Variants in KMO observed in about 807,000 individuals in gnomAD.
KMO encodes kynurenine 3-hydroxylase.
KMO carries 24 observed loss-of-function variants against 57.8 expected under a neutral mutation model. That is an observed-to-expected ratio of 0.42 (90% CI 0.30 to 0.58). The LOEUF is 0.58. KMO is among the 20% of genes least tolerant of loss of function. KMO has a pLI of 0.22. For synonymous variants in KMO, 210 were observed against 193.6 expected (o/e 1.08, Z -0.70); for missense variants, 483 against 588.2 (o/e 0.82, Z 1.85).
chr1:241,549,263 A>C (rs1301895552), intron 2 of KMO, among the ~76,000 whole-genome samples: 4 of 143,294 alleles, frequency 2.8e-5, no homozygotes, highest in South Asian at 2.2e-4. Flanking sequence ...GAAAGAAAGA[A>C]AGAAAGGAAG....
At chr1:241,578,714 C>T (rs998653955) in intron 10 of KMO, among the ~76,000 whole-genome samples, 4 of 152,136 alleles carry the variant, frequency 2.6e-5, no homozygotes, top group African/African-American at 7.2e-5. Context: ...CTTAGAACTT[C>T]CTGGTTAGCC....
Position 241,532,401 on chromosome 1 carries a change from C to T in KMO, c.-44C>T, listed in dbSNP as rs1660609310. 6.2e-7 allele frequency: 1 copy of T among 1,608,726 alleles called. No homozygotes were observed. Among genetic ancestry groups the T allele is most frequent in the Non-Finnish European group, 8.5e-7 (1 of 1,176,196 alleles). On this transcript the variant is annotated 5_prime_UTR_variant, in exon 1 of 15. Coordinates refer to ENST00000366559, the MANE Select transcript of KMO (RefSeq NM_003679.5). Reference sequence around the variant, plus strand: ...AGGAGACACAGAAATCAGTGTCACTCAGTGACAGAAGCAACAATAATTGTG... The same window carrying T: ...AGGAGACACAGAAATCAGTGTCACTTAGTGACAGAAGCAACAATAATTGTG...
intron 5 of KMO, 127 bp downstream of exon 5, chr1:241,555,787 A>T: frequency 1.8e-6 from 1 of 557,360 alleles, no homozygotes; most frequent in Non-Finnish European, 3.2e-6. Flanking sequence ...GACTATGTAC[A>T]CTACAAAGTC....
intron 6 of KMO, among the ~76,000 whole-genome samples, 179 bp downstream of exon 6, chr1:241,560,931 A>T (rs1281095371): frequency 7.9e-5 from 12 of 152,192 alleles, no homozygotes; most frequent in African/African-American, 9.7e-5. Context: ...CCATCTGAAC[A>T]CCAATGCCAA....
Position 241,567,021 on chromosome 1 carries a change from C to T in KMO, c.809+409C>T, listed in dbSNP as rs568492631. 3.9e-5 allele frequency among the ~76,000 whole-genome samples: 6 copies of T among 152,318 alleles called. No homozygotes were observed. In the East Asian group the frequency reaches 1.2e-3, roughly 29 times the overall value. On this transcript the variant is annotated intron_variant, in intron 9 of 14. Coordinates refer to ENST00000366559, the MANE Select transcript of KMO (RefSeq NM_003679.5). ...GACACGTAAGCTTTCCCATATTCCA[C>T]TCGTGGGAAAAGGTTGATAAATAAT...
chr1:241,586,596 G>A (rs1468199733), intron 10 of KMO, 83 bp from the exon 11 acceptor site: 2 of 897,580 alleles, frequency 2.2e-6, no homozygotes, highest in African/African-American at 1.7e-5. Context: ...CTTCACCAAT[G>A]GAATATCTAT....
intron 5 of KMO, among the ~76,000 whole-genome samples, chr1:241,557,242 CA>C (rs1336192916): frequency 6.6e-6 from 1 of 152,182 alleles, no homozygotes; most frequent in Non-Finnish European, 1.5e-5. Flanking sequence ...TCCAGTCACA[CA>C]CCATGTATCC....
intron 10 of KMO, among the ~76,000 whole-genome samples, chr1:241,584,602 T>TGTTTAA (rs1662895476): frequency 6.9e-6 from 1 of 145,592 alleles, no homozygotes. Flanking sequence ...AGAAAAGAAA[T>TGTTTAA]AGCGTTTAAA....
Position 241,565,030 on chromosome 1 carries a change from C to T in KMO, c.659C>T (p.Thr220Ile). ...PNYLHIWPRN[T>I]FMMIALPNMN... The stretch of plus-strand genomic sequence containing the variant: ...TATCTGCATATTTGGCCTAGAAATA[C>T]CTTTATGATGATTGCACTTCCTAAC... Residue 220 changes from threonine to isoleucine, a missense_variant, in exon 8 of 15, where the codon ACC becomes ATC. Physicochemically the swap from Thr to Ile is moderately conservative, Grantham distance 89. Around this residue, in one of 3 missense-constraint regions of KMO, gnomAD observed 410 missense variants for 492.3 expected, o/e 0.83. Coordinates refer to ENST00000366559, the MANE Select transcript of KMO (RefSeq NM_003679.5). 1 of 1,605,682 alleles carries T rather than the reference C, an allele frequency of 6.2e-7. No homozygotes were observed.
At chr1:241,549,247 A>G (rs1486468231) in intron 2 of KMO, among the ~76,000 whole-genome samples, 1 of 23,060 alleles carries the variant, frequency 4.3e-5, no homozygotes, top group Admixed American at 3.7e-4. Context: ...GAAAGAAAGA[A>G]AGAAAGAAAG....
At position 241,550,489 on chromosome 1, in the gene KMO, T is replaced by C. The variant is rs146680570; in HGVS notation, c.223-466T>C. On this transcript the variant is annotated intron_variant, in intron 3 of 14. Coordinates refer to ENST00000366559, the MANE Select transcript of KMO (RefSeq NM_003679.5). ...ATGATAGATGTATTTTTCTTGATAC[T>C]ACTTTCAGTGACAATGTGTCTTTGA... 1.5e-4 allele frequency among the ~76,000 whole-genome samples: 23 copies of C among 152,362 alleles called. No individual in the cohort carries two copies. In the East Asian group the frequency reaches 4.0e-3, roughly 27 times the overall value.
intron 10 of KMO, among the ~76,000 whole-genome samples, chr1:241,575,754 G>A (rs1662491051): frequency 6.6e-6 from 1 of 152,024 alleles, no homozygotes; most frequent in African/African-American, 2.4e-5. Context: ...GCAGTTCTTG[G>A]ATAGAATGTT....
Position 241,593,276 on chromosome 1 carries a change from C to G in KMO, c.*1123C>G. On this transcript the variant is annotated 3_prime_UTR_variant, in exon 15 of 15. Transcript: ENST00000366559. ...AGCAATTTACTAATTTATTCTTCGA[C>G]TACATACTGCAGCAGAACCAGCAAT... 1 of 358,874 alleles carries G rather than the reference C, an allele frequency of 2.8e-6. No homozygotes were observed. The highest frequency in any genetic ancestry group is 2.2e-5 in the South Asian group (1 of 45,928). The allele number at this position is 358,874 out of a possible 1,614,324, so 22.2% of individuals were successfully genotyped here.
At chr1:241,550,331 A>C (rs1158758716) in intron 3 of KMO, among the ~76,000 whole-genome samples, 1 of 152,214 alleles carries the variant, frequency 6.6e-6, no homozygotes, top group African/African-American at 2.4e-5. Flanking sequence ...AAATTGAAAA[A>C]TTCTGAATTC....
chr1:241,590,400 C>T, intron 14 of KMO, 137 bp downstream of exon 14: 1 of 713,400 alleles, frequency 1.4e-6, no homozygotes. Context: ...AGAAACTGTC[C>T]TGAGTACAGA....
rs770663258 is a variant in KMO at position 241,532,406 on chromosome 1, A to G, written c.-39A>G. 9.3e-6 allele frequency: 15 copies of G among 1,612,222 alleles called. No individual in the cohort carries two copies. In the African/African-American group the frequency reaches 1.7e-4, roughly 19 times the overall value. ...ACACAGAAATCAGTGTCACTCAGTGACAGAAGCAACAATAATTGTGAAAAA... is the reference window on the plus strand; with the variant it reads ...ACACAGAAATCAGTGTCACTCAGTGGCAGAAGCAACAATAATTGTGAAAAA... On this transcript the variant is annotated 5_prime_UTR_variant, in exon 1 of 15. Transcript: ENST00000366559.
rs1251241094 is a variant in KMO at position 241,593,553 on chromosome 1, T to C, written c.*1400T>C. The stretch of plus-strand genomic sequence containing the variant: ...AGGGAAAGAAAAAATAATTTTTCCT[T>C]CTACCCACTTTAGGTTCCTTGGCTG... On this transcript the variant is annotated 3_prime_UTR_variant, in exon 15 of 15. Transcript: ENST00000366559. The C allele has an allele frequency of 4.1e-6, 1 of 246,656 alleles. No individual in the cohort carries two copies. The highest frequency in any genetic ancestry group is 9.1e-6 in the Non-Finnish European group (1 of 109,936). The allele number at this position is 246,656 out of a possible 1,614,324, so 15.3% of individuals were successfully genotyped here.
rs1443744478 is a variant in KMO, at chr1:241,532,395, GT to G, written c.-49del. On this transcript the variant is annotated 5_prime_UTR_variant, in exon 1 of 15. Coordinates refer to ENST00000366559, the MANE Select transcript of KMO (RefSeq NM_003679.5). ...GTGTGTAGGAGACACAGAAATCAGTGTCACTCAGTGACAGAAGCAACAATAA... is the reference window on the plus strand; with the variant it reads ...GTGTGTAGGAGACACAGAAATCAGTGCACTCAGTGACAGAAGCAACAATAA... 6.2e-7 allele frequency: 1 copy of G among 1,611,426 alleles called. No homozygotes were observed. Among genetic ancestry groups the G allele is most frequent in the Non-Finnish European group, 8.5e-7 (1 of 1,178,924 alleles).
chr1:241,561,662 G>C (rs1448196246), intron 6 of KMO, among the ~76,000 whole-genome samples: 1 of 152,156 alleles, frequency 6.6e-6, no homozygotes, highest in East Asian at 1.9e-4. Flanking sequence ...TCCCCTAATA[G>C]ATAATTTCAG....
Sources: allele counts gnomAD v4.1 joint callset (sites outside exome capture counted in the v4.1 genomes callset), GRCh38; gene constraint gnomAD v4.1.1; regional missense constraint gnomAD v4.1.1; transcripts MANE v1.5; gene names NCBI Gene and HGNC (gene_info 2026-07-23, HGNC 2026-07-21).